The following XKR9 variants were observed in gnomAD, a reference collection of about 807,000 sequenced individuals.
XKR9 encodes the protein XK-related protein 9.
In XKR9, 32 loss-of-function variants were observed where a neutral mutation model predicts 32.0. The ratio of observed to expected loss-of-function variants is 1.00; its 90% CI spans 0.76 to 1.34. XKR9 has a LOEUF of 1.34. Among genes scored for constraint, XKR9 ranks in the 40% most tolerant of loss-of-function variants. The pLI, the probability that XKR9 is intolerant of heterozygous loss-of-function variation, is 0.00. For missense variants in XKR9, 546 were observed against 429.7 expected (o/e 1.27, Z -2.39); for synonymous variants, 168 against 143.4 (o/e 1.17, Z -1.22).
chr8:70,741,162 C>T (rs1806967526), intron 2 of XKR9, among the ~76,000 whole-genome samples: 2 of 152,146 alleles, frequency 1.3e-5, no homozygotes, highest in South Asian at 4.1e-4. Flanking sequence ...CCTAAGCAAG[C>T]CTGGGCAATG....
downstream of XKR9, among the ~76,000 whole-genome samples, chr8:70,736,181 T>C (rs1220957509): frequency 1.3e-5 from 2 of 152,138 alleles, no homozygotes; most frequent in Non-Finnish European, 2.9e-5. Flanking sequence ...TGGTATCTCA[T>C]TGTGGTTTTG....
chr8:70,982,066 C>T, the XKR9 span, among the ~76,000 whole-genome samples: 21 of 152,362 alleles, frequency 1.4e-4, no homozygotes, highest in East Asian at 3.3e-3. Context: ...AGCAAACTCT[C>T]TGAGGGTCCT....
the XKR9 span, among the ~76,000 whole-genome samples, chr8:70,988,563 G>A: frequency 6.6e-6 from 1 of 152,114 alleles, no homozygotes; most frequent in African/African-American, 2.4e-5. Context: ...CTCCCTGCAT[G>A]TCTGATTCTT....
At chr8:70,986,518 A>G in the XKR9 span, among the ~76,000 whole-genome samples, 2 of 152,180 alleles carry the variant, frequency 1.3e-5, no homozygotes, top group East Asian at 3.9e-4. Flanking sequence ...TCTGATGTAC[A>G]GTGAATCAAT....
At chr8:71,037,710 A>G in the XKR9 span, among the ~76,000 whole-genome samples, 1 of 152,226 alleles carries the variant, frequency 6.6e-6, no homozygotes, top group East Asian at 1.9e-4. Flanking sequence ...CGAAGTTAAA[A>G]CATTTTGAGG....
chr8:70,766,321 A>G (rs759582012), intron 2 of XKR9, among the ~76,000 whole-genome samples: 31 of 152,078 alleles, frequency 2.0e-4, no homozygotes, highest in Non-Finnish European at 4.1e-4. Context: ...GGTCCTTTAC[A>G]TCCTTTGTAA....
At chr8:71,039,520 G>A in the XKR9 span, among the ~76,000 whole-genome samples, 23 of 152,080 alleles carry the variant, frequency 1.5e-4, no homozygotes, top group Non-Finnish European at 8.8e-5. Flanking sequence ...CATTACTTTC[G>A]CACTCTTGTA....
chr8:70,926,046 TATACCACATATATTATAAC>T, the XKR9 span, among the ~76,000 whole-genome samples: 1 of 152,114 alleles, frequency 6.6e-6, no homozygotes, highest in South Asian at 2.1e-4. Context: ...CTGGAAAAAA[TATACCACATATATTATAAC>T]CAATTTCTTT....
At chr8:70,824,903 A>G in the XKR9 span, among the ~76,000 whole-genome samples, 1 of 152,222 alleles carries the variant, frequency 6.6e-6, no homozygotes, top group Non-Finnish European at 1.5e-5. Context: ...GGCAACAAGT[A>G]CTAAGTAGTA....
At chr8:70,899,270 T>G in the XKR9 span, among the ~76,000 whole-genome samples, 1 of 151,936 alleles carries the variant, frequency 6.6e-6, no homozygotes, top group Non-Finnish European at 1.5e-5. Context: ...ACTCTCTAAA[T>G]TTATTACTTT....
At chr8:70,739,018 G>A (rs751937340), downstream of XKR9, among the ~76,000 whole-genome samples, 12 of 152,110 alleles carry the variant, frequency 7.9e-5, no homozygotes, top group South Asian at 1.0e-3. Context: ...CAATTCCTGG[G>A]TATCCTTGTT....
chr8:70,734,620 G>T lies in XKR9; in HGVS notation c.*196G>T. 3.2e-6 allele frequency: 2 copies of T among 618,518 alleles called. No homozygotes were observed. Among genetic ancestry groups the T allele is most frequent in the Non-Finnish European group, 4.5e-6 (2 of 445,358 alleles). The allele number at this position is 618,518 out of a possible 1,614,324, so 38.3% of individuals were successfully genotyped here. ...TGGTTTTGAAGATCTTGAGTACTCA[G>T]ATATCTTTCTACTGCCTGGTAGAGC... On this transcript the variant is annotated 3_prime_UTR_variant, in exon 5 of 5. Coordinates refer to ENST00000408926, the MANE Select transcript of XKR9 (RefSeq NM_001011720.2).
the XKR9 span, among the ~76,000 whole-genome samples, chr8:70,872,664 G>A: frequency 6.6e-6 from 1 of 152,058 alleles, no homozygotes; most frequent in Non-Finnish European, 1.5e-5. Context: ...AATGCAGCTG[G>A]TGGCTTTTTT....
intron 2 of XKR9, among the ~76,000 whole-genome samples, chr8:70,762,261 A>G (rs1181657410): frequency 6.6e-6 from 1 of 152,180 alleles, no homozygotes; most frequent in African/African-American, 2.4e-5. Flanking sequence ...CAAAAACTAT[A>G]TAATCATTAA....
chr8:70,977,494 C>A, the XKR9 span, among the ~76,000 whole-genome samples: 1 of 151,618 alleles, frequency 6.6e-6, no homozygotes, highest in Admixed American at 6.6e-5. Context: ...CGTTATTTAC[C>A]CAGCAGTCAT....
chr8:70,844,186 G>C, the XKR9 span, among the ~76,000 whole-genome samples: 4 of 152,196 alleles, frequency 2.6e-5, no homozygotes, highest in African/African-American at 9.7e-5. Flanking sequence ...CCAGCAGTAG[G>C]ACAAGCTATG....
intron 3 of XKR9, among the ~76,000 whole-genome samples, chr8:70,695,853 T>G (rs1420180527): frequency 6.7e-6 from 1 of 149,318 alleles, no homozygotes; most frequent in African/African-American, 2.4e-5. Flanking sequence ...TTTCCTGACC[T>G]TTTAATGATT....
At chr8:70,688,986 A>G (rs1208285239) in intron 3 of XKR9, among the ~76,000 whole-genome samples, 2 of 152,180 alleles carry the variant, frequency 1.3e-5, no homozygotes, top group African/African-American at 2.4e-5. Context: ...AGAAGCTATA[A>G]CAATTGTAGA....
the XKR9 span, among the ~76,000 whole-genome samples, chr8:70,811,312 G>A: frequency 6.6e-6 from 1 of 152,120 alleles, no homozygotes; most frequent in Non-Finnish European, 1.5e-5. Context: ...GAAATTTATA[G>A]CACTAAATGC....
Sources: gnomAD v4.1 joint callset for allele counts (sites outside exome capture counted in the v4.1 genomes callset) on GRCh38, gnomAD v4.1.1 for gene constraint, MANE v1.5 for transcripts, NCBI Gene and HGNC (gene_info 2026-07-23, HGNC 2026-07-21) for gene names.